Variants in BRCA2 observed in about 807,000 individuals in gnomAD.
BRCA2 encodes breast cancer type 2 susceptibility protein.
A neutral mutation model predicts 276.7 loss-of-function variants in BRCA2; 203 were observed. That is an observed-to-expected ratio of 0.73 (90% CI 0.65 to 0.82). The LOEUF (loss-of-function observed/expected upper bound fraction) is 0.82, where lower values mean the gene tolerates loss of function less well. Among genes scored for constraint, BRCA2 ranks in the 40% least tolerant of loss-of-function variants. The probability of loss-of-function intolerance (pLI) is 0.00; values close to 1 mark genes in which losing one functional copy is unlikely to be tolerated. For synonymous variants in BRCA2, 1,289 were observed against 1,338.4 expected, an observed-to-expected ratio of 0.96 and a Z score of 0.81; for missense variants, 3,920 against 3,915.0, an observed-to-expected ratio of 1.00 and a Z score of -0.03.
chr13:32,347,721 A>G (rs1291298283), intron 13 of BRCA2, among the ~76,000 whole-genome samples: 1 of 152,182 alleles, frequency 6.6e-6, no homozygotes, highest in Non-Finnish European at 1.5e-5. Context: ...CCCTCTAGGC[A>G]TGAGACTGGA....
At chr13:32,395,956 C>CTTTTT (rs2073033168) in intron 25 of BRCA2, 1 of 96,356 alleles carries the variant, frequency 1.0e-5, no homozygotes, top group Non-Finnish European at 1.9e-5. Context: ...TTTTTTCTTT[C>CTTTTT]TTTCTTTTTT....
In BRCA2 at chr13:32,332,982, A is replaced by G. The variant is rs276174809; in HGVS notation, c.1504A>G (p.Lys502Glu). The G allele has an allele frequency of 6.3e-7, 1 of 1,594,968 alleles. No homozygotes were observed. The change falls in exon 10 of 27, where the codon AAA becomes GAA. Residue 502 changes from lysine (K) to glutamate (E), a missense_variant. Coordinates refer to ENST00000380152, the MANE Select transcript of BRCA2 (RefSeq NM_000059.4). ...AGTGGCTTCTTCATTTCAGGGTATC[A>G]AAAAGTCTATATTCAGAATAAGAGA... Reference protein sequence around the residue: ...SPVASSFQGIKKSIFRIRESP... With the variant: ...SPVASSFQGIEKSIFRIRESP...
At chr13:32,396,846 T>C (rs1349641618) in intron 25 of BRCA2, 52 bp from the exon 26 acceptor site, 1 of 1,605,870 alleles carries the variant, frequency 6.2e-7, no homozygotes, top group Non-Finnish European at 8.5e-7. Flanking sequence ...TTTGGAAACA[T>C]AAATATGTGG....
intron 21 of BRCA2, among the ~76,000 whole-genome samples, chr13:32,378,890 T>C (rs2072891908): frequency 6.6e-6 from 1 of 152,210 alleles, no homozygotes; most frequent in African/African-American, 2.4e-5. Flanking sequence ...CAACCTCTAC[T>C]ACCTATGTGG....
At chr13:32,371,146 CAA>C in intron 20 of BRCA2, 46 bp downstream of exon 20, 2 of 1,591,868 alleles carry the variant, frequency 1.3e-6, no homozygotes, top group Non-Finnish European at 1.7e-6. Flanking sequence ...AATATGAGAA[CAA>C]AGTCTTAGAG....
chr13:32,378,943 A>G (rs918303718), intron 21 of BRCA2, among the ~76,000 whole-genome samples: 1 of 152,202 alleles, frequency 6.6e-6, no homozygotes, highest in Non-Finnish European at 1.5e-5. Context: ...AGTTTTACCT[A>G]CAACACAGAA....
rs11571705 is a variant in BRCA2 at position 32,355,777 on chromosome 13, G to T, written c.7435+489G>T. 3.0e-3 allele frequency among the ~76,000 whole-genome samples: 460 copies of T among 152,064 alleles called. 2 individuals are homozygous for T. The highest frequency in any genetic ancestry group is 5.5e-3 in the Non-Finnish European group (375 of 67,998). On this transcript the variant is annotated intron_variant, in intron 14 of 26. Coordinates refer to ENST00000380152, the MANE Select transcript of BRCA2 (RefSeq NM_000059.4). ...CACCTGTAATCCCAGCTGCTTGGGAGGCTGAGGCAGGAGAATCGTTTGAAC... is the reference window on the plus strand; with the variant it reads ...CACCTGTAATCCCAGCTGCTTGGGATGCTGAGGCAGGAGAATCGTTTGAAC...
In BRCA2 at chr13:32,399,047, T is replaced by A; in HGVS notation, c.*277T>A. On this transcript the variant is annotated 3_prime_UTR_variant, in exon 27 of 27. Transcript: ENST00000380152. ...TGAGCTCGGTGGCTCATGCCTGTAA[T>A]CCCAACACTTTGAGAAGCTGAGGTG... The A allele has an allele frequency of 5.2e-6, 2 of 381,960 alleles. No individual in the cohort carries two copies. The highest frequency in any genetic ancestry group is 9.4e-6 in the Non-Finnish European group (2 of 212,366). The allele number at this position is 381,960 out of a possible 1,614,324, so 23.7% of individuals were successfully genotyped here.
intron 20 of BRCA2, chr13:32,375,360 G>A: frequency 2.2e-6 from 1 of 452,096 alleles, no homozygotes; most frequent in Non-Finnish European, 4.4e-6. Flanking sequence ...CTCCACTGAA[G>A]TCTTGAACCC....
chr13:32,399,693 G>A lies in BRCA2; in HGVS notation c.*923G>A, dbSNP rs1258552585. The A allele has an allele frequency of 5.8e-6, 1 of 171,524 alleles. No homozygotes were observed. Among genetic ancestry groups the A allele is most frequent in the East Asian group, 1.0e-4 (1 of 9,714 alleles). The allele number at this position is 171,524 out of a possible 1,614,324, so 10.6% of individuals were successfully genotyped here. On this transcript the variant is annotated 3_prime_UTR_variant, in exon 27 of 27. Transcript: ENST00000380152. ...TGATTCTGCCTGCTTTATTTTTAGC[G>A]CTATCACAGGACCCAGAGCCTATGC...
chr13:32,321,625 A>T (rs940881286), intron 3 of BRCA2, among the ~76,000 whole-genome samples: 6 of 152,194 alleles, frequency 3.9e-5, no homozygotes, highest in Non-Finnish European at 8.8e-5. Flanking sequence ...GTAATACATA[A>T]ATCTGCTGAC....
chr13:32,377,483 G>T (rs969514419), intron 21 of BRCA2, among the ~76,000 whole-genome samples: 2 of 151,700 alleles, frequency 1.3e-5, no homozygotes, highest in Non-Finnish European at 2.9e-5. Flanking sequence ...CCAGCTGTTC[G>T]GGAGGCTCAG....
intron 7 of BRCA2, among the ~76,000 whole-genome samples, chr13:32,327,938 A>G (rs1405713073): frequency 1.3e-5 from 2 of 151,904 alleles, no homozygotes; most frequent in African/African-American, 4.8e-5. Context: ...GTATACTACC[A>G]GTCCTGGCTA....
chr13:32,315,411 C>T (rs563971900), upstream of BRCA2: 327 of 152,386 alleles, frequency 2.1e-3, no homozygotes, highest in Non-Finnish European at 2.6e-3. Context: ...GCGGCCCACC[C>T]AGGCCTGACT....
At position 32,376,702 on chromosome 13, in the gene BRCA2, G is replaced by A. The variant is rs80359126; in HGVS notation, c.8665G>A (p.Ala2889Thr). ...NTTKPYLPSRALTRQQVRALQ... is the reference protein window; with the variant it reads ...NTTKPYLPSRTLTRQQVRALQ... The stretch of plus-strand genomic sequence containing the variant: ...AACAAAACCATATTTACCATCACGT[G>A]CACTAACAAGACAGCAAGTTCGTGC... The change falls in exon 21 of 27, where the codon GCA (alanine) becomes ACA (threonine). Residue 2889 changes from alanine to threonine, a missense_variant. This residue lies in a region of BRCA2 where 657 missense variants were observed against 758.2 expected (regional missense o/e 0.87). Coordinates refer to ENST00000380152, the MANE Select transcript of BRCA2 (RefSeq NM_000059.4). 1 of 1,614,082 alleles carries A rather than the reference G, an allele frequency of 6.2e-7. No homozygotes were observed. Among genetic ancestry groups the A allele is most frequent in the South Asian group, 1.1e-5 (1 of 91,078 alleles).
intron 1 of BRCA2, 37 bp downstream of exon 1, chr13:32,315,704 C>T (rs1334015891): frequency 6.5e-6 from 1 of 152,942 alleles, no homozygotes; most frequent in Non-Finnish European, 1.5e-5. Context: ...ACGAGCGCGT[C>T]TTCCGCAGTC....
chr13:32,329,959 GTCTC>G (rs995023534), intron 8 of BRCA2, among the ~76,000 whole-genome samples: 2 of 152,146 alleles, frequency 1.3e-5, no homozygotes, highest in African/African-American at 2.4e-5. Flanking sequence ...TGTGAATGTT[GTCTC>G]TCTGTCTCAA....
rs1555283263 is a variant in BRCA2, at chr13:32,337,844, T to G, written c.3489T>G (p.Asp1163Glu). ...CTTCTGAGGAATGCAGAGATGCTGATCTTCATGTCATAATGAATGCCCCAT... is the reference window on the plus strand; with the variant it reads ...CTTCTGAGGAATGCAGAGATGCTGAGCTTCATGTCATAATGAATGCCCCAT... ...KTTSEECRDA[D>E]LHVIMNAPSI... Residue 1163 changes from aspartate (D) to glutamate (E), a missense_variant, in exon 11 of 27, where the codon GAT becomes GAG. Physicochemically the swap from Asp to Glu is conservative, Grantham distance 45. Coordinates refer to ENST00000380152, the MANE Select transcript of BRCA2 (RefSeq NM_000059.4). 6.2e-7 allele frequency: 1 copy of G among 1,613,976 alleles called. No individual in the cohort carries two copies. Among genetic ancestry groups the G allele is most frequent in the Admixed American group, 1.7e-5 (1 of 60,000 alleles).
At chr13:32,352,284 C>T (rs1456526780) in intron 13 of BRCA2, among the ~76,000 whole-genome samples, 1 of 151,572 alleles carries the variant, frequency 6.6e-6, no homozygotes, top group Non-Finnish European at 1.5e-5. Context: ...ACGTATTTAC[C>T]CGTGTATTAC....
Sources: gnomAD v4.1 joint callset for allele counts (sites outside exome capture counted in the v4.1 genomes callset) on GRCh38, gnomAD v4.1.1 for gene constraint, gnomAD v4.1.1 regional missense constraint, MANE v1.5 for transcripts, NCBI Gene and HGNC (gene_info 2026-07-23, HGNC 2026-07-21) for gene names.